CAMSAP1: variants seen among roughly 807,000 people sequenced by gnomAD.
The protein encoded by CAMSAP1 is calmodulin-regulated spectrin-associated protein 1.
A neutral mutation model predicts 143.5 loss-of-function variants in CAMSAP1; 58 were observed. The observed-to-expected ratio is 0.40, with a 90% CI of 0.33 to 0.50. CAMSAP1 has a LOEUF of 0.50. CAMSAP1 is among the 20% of genes least tolerant of loss of function. The pLI is 0.45. For synonymous variants in CAMSAP1, 945 were observed against 859.3 expected (o/e 1.10, Z -1.74); for missense variants, 1,969 against 2,115.7 (o/e 0.93, Z 1.36).
rs1835334122 is a variant in CAMSAP1, at chr9:135,818,759, C to G, written c.3960-143G>C. On this transcript the variant is annotated intron_variant, in intron 12 of 16. Coordinates refer to ENST00000389532, the MANE Select transcript of CAMSAP1 (RefSeq NM_015447.4). The surrounding 1 kb of genome is among the most constrained non-coding windows in gnomAD (Gnocchi z 7.7). ...GTGGCCAGCCTCCACAAGCGGGACA[C>G]AGAGGCTGCAAAGGCAGTCCTGCAG... 2.6e-6 allele frequency: 3 copies of G among 1,154,916 alleles called. No homozygotes were observed. The highest frequency in any genetic ancestry group is 3.6e-6 in the Non-Finnish European group (3 of 834,558). 71.5% of individuals were successfully genotyped at this position (1,154,916 alleles called of 1,614,324 possible). A position where few individuals can be genotyped will look rare whatever the true frequency, so the allele number is the denominator to read the frequency against.
intron 1 of CAMSAP1, among the ~76,000 whole-genome samples, chr9:135,906,070 A>G (rs1315022355): frequency 6.6e-6 from 1 of 152,258 alleles, no homozygotes; most frequent in Non-Finnish European, 1.5e-5. Context: ...TTTAATCCCT[A>G]AAACTTACAA....
In CAMSAP1 at chr9:135,811,460, TC is replaced by T; in HGVS notation, c.4657del (p.Asp1553ThrfsTer15). 6.2e-7 allele frequency: 1 copy of T among 1,612,254 alleles called. No homozygotes were observed. Among genetic ancestry groups the T allele is most frequent in the Non-Finnish European group, 8.5e-7 (1 of 1,179,036 alleles). On this transcript the variant is annotated frameshift_variant, in exon 17 of 17. Coordinates refer to ENST00000389532, the MANE Select transcript of CAMSAP1 (RefSeq NM_015447.4). LOFTEE classifies it high-confidence loss of function. This position sits in a 1 kb window ranked among gnomAD's most constrained non-coding sequence, Gnocchi z 4.9. ...GTCTGAGCTGTATTTATACAGTTTGTCGATCATTTTCTTGGTGATGTTCTTT... is the reference window on the plus strand; with the variant it reads ...GTCTGAGCTGTATTTATACAGTTTGTGATCATTTTCTTGGTGATGTTCTTT... The part of the protein sequence containing the change: ...GPKNITKKMI[D>X]KLYKYSSDRK...
Position 135,828,220 on chromosome 9 carries a change from G to T in CAMSAP1, c.1046-636C>A, listed in dbSNP as rs544291592. On this transcript the variant is annotated intron_variant, in intron 7 of 16. Coordinates refer to ENST00000389532, the MANE Select transcript of CAMSAP1 (RefSeq NM_015447.4). The stretch of plus-strand genomic sequence containing the variant: ...CCCAAACAGTGACTCTGTATCTAAG[G>T]CTGCTTCCCAGAGAACTAACCTATG... 9.8e-5 allele frequency among the ~76,000 whole-genome samples: 15 copies of T among 152,356 alleles called. No homozygotes were observed. The South Asian group carries it at 3.1e-3, about 32-fold the overall frequency.
intron 7 of CAMSAP1, among the ~76,000 whole-genome samples, chr9:135,831,526 G>A (rs1427965739): frequency 6.7e-6 from 1 of 149,746 alleles, no homozygotes; most frequent in Non-Finnish European, 1.5e-5. Context: ...TTCCATTAAC[G>A]AAGAAGCAGG....
Position 135,894,949 on chromosome 9 carries a change from C to A in CAMSAP1, c.161-11871G>T, listed in dbSNP as rs1035282800. On this transcript the variant is annotated intron_variant, in intron 1 of 16. Transcript: ENST00000389532. ...GAGCCAAATGAAGAACTGGAAAATA[C>A]AGTAACAGACATTTTAAAACTCACT... 3.9e-5 allele frequency among the ~76,000 whole-genome samples: 6 copies of A among 152,252 alleles called. No individual in the cohort carries two copies. The East Asian group carries it at 9.6e-4, about 24-fold the overall frequency.
intron 1 of CAMSAP1, among the ~76,000 whole-genome samples, chr9:135,888,536 G>A (rs1317961397): frequency 6.6e-6 from 1 of 152,196 alleles, no homozygotes; most frequent in Non-Finnish European, 1.5e-5. Context: ...GAGACGTGCA[G>A]GACAGTGAGT....
chr9:135,840,670 A>G (rs535873062), intron 7 of CAMSAP1, among the ~76,000 whole-genome samples: 2 of 152,336 alleles, frequency 1.3e-5, no homozygotes, highest in Middle Eastern at 6.8e-3. Flanking sequence ...TGAGGTACCC[A>G]GCTCATTTCA....
intron 1 of CAMSAP1, among the ~76,000 whole-genome samples, chr9:135,892,545 A>G (rs1174991985): frequency 1.3e-5 from 2 of 151,534 alleles, no homozygotes; most frequent in African/African-American, 4.9e-5. Context: ...TCTATAAACA[A>G]ATTTTTTCAG....
intron 1 of CAMSAP1, among the ~76,000 whole-genome samples, chr9:135,906,487 G>A (rs185923176): frequency 1.3e-5 from 2 of 152,360 alleles, no homozygotes; most frequent in Admixed American, 6.5e-5. Context: ...ATTAACCAAA[G>A]GGGATCATTA....
chr9:135,886,949 G>A (rs1283365377), intron 1 of CAMSAP1, among the ~76,000 whole-genome samples: 2 of 152,240 alleles, frequency 1.3e-5, no homozygotes, highest in African/African-American at 2.4e-5. Context: ...CCAGTAGTGT[G>A]GAGGAGGAGG....
chr9:135,900,682 G>A (rs182211339), intron 1 of CAMSAP1, among the ~76,000 whole-genome samples: 2,126 of 152,006 alleles, frequency 0.014, 50 homozygotes, highest in African/African-American at 0.048. Context: ...GCGACAGAGC[G>A]AGATTCCGTC....
chr9:135,901,065 T>C (rs1194244936), intron 1 of CAMSAP1, among the ~76,000 whole-genome samples: 1 of 152,132 alleles, frequency 6.6e-6, no homozygotes, highest in Non-Finnish European at 1.5e-5. Flanking sequence ...CAAAGATCTT[T>C]TCTGTAGTGA....
In CAMSAP1 at chr9:135,820,235, G is replaced by A. The variant is rs555494900; in HGVS notation, c.3822+604C>T. On this transcript the variant is annotated intron_variant, in intron 11 of 16. Transcript: ENST00000389532. This position sits in a 1 kb window ranked among gnomAD's most constrained non-coding sequence, Gnocchi z 4.4. ...TATCTAAACATTGAAAAACTACCAC[G>A]AAAACATGGTCTTATCATCTTAGGA... Among the ~76,000 whole-genome samples the A allele has an allele frequency of 3.3e-5, 5 of 152,220 alleles. No individual in the cohort carries two copies. Among genetic ancestry groups the A allele is most frequent in the East Asian group, 1.9e-4 (1 of 5,176 alleles).
intron 3 of CAMSAP1, among the ~76,000 whole-genome samples, chr9:135,869,723 A>T (rs1837506664): frequency 6.6e-6 from 1 of 152,230 alleles, no homozygotes; most frequent in African/African-American, 2.4e-5. Context: ...TTCACACAGG[A>T]AACTTGTGCA....
intron 7 of CAMSAP1, 46 bp from the exon 8 acceptor site, chr9:135,827,630 A>G: frequency 4.1e-6 from 6 of 1,458,954 alleles, no homozygotes; most frequent in Non-Finnish European, 5.5e-6. Flanking sequence ...CACTAACTGG[A>G]AGCACAGAAA....
chr9:135,843,664 G>C (rs1836444815), intron 7 of CAMSAP1, among the ~76,000 whole-genome samples: 1 of 152,004 alleles, frequency 6.6e-6, no homozygotes, highest in South Asian at 2.1e-4. Flanking sequence ...GAGGTCAGGA[G>C]ATCGAGACCA....
chr9:135,878,809 C>A (rs111560286), intron 3 of CAMSAP1, among the ~76,000 whole-genome samples: 1 of 152,004 alleles, frequency 6.6e-6, no homozygotes. Context: ...GACTCGCACC[C>A]GGGAGAAAGT....
chr9:135,814,360 C>T (rs1160344801), intron 16 of CAMSAP1, among the ~76,000 whole-genome samples: 1 of 152,196 alleles, frequency 6.6e-6, no homozygotes, highest in Non-Finnish European at 1.5e-5. Context: ...CAGATTGTTG[C>T]ATAATTTTCA....
chr9:135,814,526 GATT>G, intron 16 of CAMSAP1, among the ~76,000 whole-genome samples: 1 of 152,292 alleles, frequency 6.6e-6, no homozygotes, highest in East Asian at 1.9e-4. Flanking sequence ...AGGACCCTCA[GATT>G]CCTGCTTCCA....
Sources: allele counts gnomAD v4.1 joint callset (sites outside exome capture counted in the v4.1 genomes callset), GRCh38; gene constraint gnomAD v4.1.1; non-coding constraint Gnocchi (gnomAD v3.1); transcripts MANE v1.5; gene names NCBI Gene and HGNC (gene_info 2026-07-23, HGNC 2026-07-21).